Variants in ITPKC observed in about 807,000 individuals in gnomAD.
The protein encoded by ITPKC is IP3 3-kinase C.
A neutral mutation model predicts 67.1 loss-of-function variants in ITPKC; 33 were observed. The observed-to-expected ratio is 0.49, with a 90% confidence interval of 0.37 to 0.66. The LOEUF (loss-of-function observed/expected upper bound fraction) is 0.66. ITPKC is among the 30% of genes least tolerant of loss of function. The probability of loss-of-function intolerance (pLI) is 0.00; values close to 1 mark genes in which losing one functional copy is unlikely to be tolerated. For synonymous variants in ITPKC, 341 were observed against 359.8 expected, an observed-to-expected ratio of 0.95 and a Z score of 0.59; for missense variants, 820 against 892.1, an observed-to-expected ratio of 0.92 and a Z score of 1.03.
At position 40,717,846 on chromosome 19, in the gene ITPKC, T is replaced by A. The variant is rs2082198597; in HGVS notation, c.711T>A (p.Ile237=). 6 of 1,614,004 alleles carry A rather than the reference T, an allele frequency of 3.7e-6. No homozygotes were observed. Among genetic ancestry groups the A allele is most frequent in the Non-Finnish European group, 5.1e-6 (6 of 1,179,974 alleles). ...ATGGCTCCAGGACACAACAGGATAT[T>A]GAAGGTCCCTGGACAGAGCCATATA... ...YTDGSRTQQD[I]EGPWTEPYTD... is the part of the protein sequence containing the mutation. Residue 237 remains isoleucine, a synonymous_variant, in exon 1 of 7, where the codon ATT becomes ATA. Coordinates refer to ENST00000263370, the MANE Select transcript of ITPKC (RefSeq NM_025194.3).
chr19:40,717,315 C>G lies in ITPKC; in HGVS notation c.180C>G (p.Ala60=), dbSNP rs773094434. The G allele has an allele frequency of 6.3e-7, 1 of 1,575,148 alleles. No homozygotes were observed. Residue 60 remains alanine, a synonymous_variant, in exon 1 of 7, where the codon GCC becomes GCG. Transcript: ENST00000263370. ...GGCCGGAGGGGGGCGGGCCCTGGGC[C>G]CGGACAGAGGGGTCCAGCCTCCACA... The part of the protein sequence containing the change: ...AGRPEGGGPW[A]RTEGSSLHSE...
At chr19:40,728,350 A>G (rs2082255704) in intron 2 of ITPKC, among the ~76,000 whole-genome samples, 1 of 152,092 alleles carries the variant, frequency 6.6e-6, no homozygotes, top group Non-Finnish European at 1.5e-5. Context: ...ATACCACTCA[A>G]TTTCAGCCTG....
chr19:40,721,865 G>A (rs1303489672), intron 1 of ITPKC, among the ~76,000 whole-genome samples: 47 of 151,962 alleles, frequency 3.1e-4, no homozygotes, highest in Admixed American at 3.1e-3. Context: ...AGCTAGATGT[G>A]GTGGTATATG....
intron 1 of ITPKC, among the ~76,000 whole-genome samples, chr19:40,719,526 G>A (rs1400318519): frequency 6.6e-6 from 1 of 151,104 alleles, no homozygotes; most frequent in Non-Finnish European, 1.5e-5. Context: ...GTCTCGCTCT[G>A]TTGCCCAGGC....
chr19:40,733,131 T>C (rs2082279266), intron 3 of ITPKC, 29 bp from the exon 4 acceptor site: 2 of 1,603,268 alleles, frequency 1.2e-6, no homozygotes, highest in Non-Finnish European at 1.7e-6. Context: ...TCTACATAAT[T>C]TCCTTTGTCA....
chr19:40,725,941 T>TA (rs879347180), intron 2 of ITPKC, among the ~76,000 whole-genome samples: 2,514 of 142,898 alleles, frequency 0.018, 62 homozygotes, highest in African/African-American at 0.06. Flanking sequence ...CCGTTTCAAT[T>TA]AAAAAAAAAA....
rs557328757 is a variant in ITPKC, at chr19:40,740,370, TC to T, written c.*813del. ...GACCCCCAGGCTTCTCTCTCCTTTC[TC>T]CCAGCAAACTGCAGTGGCAGAAAGG... is the stretch of plus-strand genomic sequence containing the variant. On this transcript the variant is annotated 3_prime_UTR_variant, in exon 7 of 7. Transcript: ENST00000263370. 379 of 159,338 alleles carry T rather than the reference TC, an allele frequency of 2.4e-3. 2 individuals carry two copies. The highest frequency in any genetic ancestry group is 8.7e-3 in the African/African-American group (361 of 41,702). 9.9% of individuals were successfully genotyped at this position (159,338 alleles called of 1,614,324 possible).
At chr19:40,734,101 C>T (rs2082283791) in intron 4 of ITPKC, among the ~76,000 whole-genome samples, 1 of 151,854 alleles carries the variant, frequency 6.6e-6, no homozygotes, top group Non-Finnish European at 1.5e-5. Flanking sequence ...GTTGTAGATC[C>T]GAAATGTTCC....
At chr19:40,723,756 C>T (rs1371427891) in intron 1 of ITPKC, among the ~76,000 whole-genome samples, 15 of 152,084 alleles carry the variant, frequency 9.9e-5, no homozygotes, top group Admixed American at 7.2e-4. Flanking sequence ...CTCACCCTCC[C>T]GAAATGCTGG....
Position 40,736,956 on chromosome 19 carries a change from GACCCTGCCCCTCCAC to G in ITPKC, c.1675-20_1675-6del. ...TTGGGTGCGGGAAGGAAAAGCCCAT[GACCCTGCCCCTCCAC>G]ACCCTGCCCTACAGAAGGCAGATGG... is the stretch of plus-strand genomic sequence containing the variant. On this transcript the variant is annotated splice_polypyrimidine_tract_variant and intron_variant, in intron 4 of 6. Coordinates refer to ENST00000263370, the MANE Select transcript of ITPKC (RefSeq NM_025194.3). The G allele has an allele frequency of 6.9e-7, 1 of 1,456,526 alleles. No homozygotes were observed. Among genetic ancestry groups the G allele is most frequent in the Non-Finnish European group, 9.5e-7 (1 of 1,057,566 alleles). The allele number at this position is 1,456,526 out of a possible 1,614,324, so 90.2% of individuals were successfully genotyped here.
chr19:40,722,082 G>T (rs1262622844), intron 1 of ITPKC, among the ~76,000 whole-genome samples: 1 of 152,044 alleles, frequency 6.6e-6, no homozygotes, highest in Non-Finnish European at 1.5e-5. Flanking sequence ...TGGAGCGTCT[G>T]TCGTGTGCCA....
intron 1 of ITPKC, among the ~76,000 whole-genome samples, chr19:40,721,039 T>C (rs1303311346): frequency 2.0e-5 from 3 of 151,820 alleles, no homozygotes; most frequent in African/African-American, 7.3e-5. Flanking sequence ...CCTCCCAAAG[T>C]GCTGGGATTA....
At chr19:40,724,085 C>T (rs1019279417) in intron 1 of ITPKC, among the ~76,000 whole-genome samples, 6 of 152,106 alleles carry the variant, frequency 3.9e-5, no homozygotes, top group East Asian at 1.9e-4. Flanking sequence ...GGCTCCTACC[C>T]GAAAGTGACA....
At position 40,717,115 on chromosome 19, in the gene ITPKC, G is replaced by T; in HGVS notation, c.-21G>T. 4.1e-6 allele frequency: 5 copies of T among 1,218,894 alleles called. No homozygotes were observed. The highest frequency in any genetic ancestry group is 1.6e-5 in the African/African-American group (1 of 64,028). 75.5% of individuals were successfully genotyped at this position (1,218,894 alleles called of 1,614,324 possible). A position where few individuals can be genotyped will look rare whatever the true frequency, so the allele number is the denominator to read the frequency against. On this transcript the variant is annotated 5_prime_UTR_variant, in exon 1 of 7. Transcript: ENST00000263370. ...GATAGGAGGGGCCGGGTCGGCCGAAGCCCGAACCGAAGGAGCGGGCATGAG... is the reference window on the plus strand; with the variant it reads ...GATAGGAGGGGCCGGGTCGGCCGAATCCCGAACCGAAGGAGCGGGCATGAG...
chr19:40,732,327 G>A (rs142171259), intron 3 of ITPKC, among the ~76,000 whole-genome samples: 2,903 of 150,194 alleles, frequency 0.019, 36 homozygotes, highest in Non-Finnish European at 0.028. Flanking sequence ...TCAGGAGTTC[G>A]AGACCAGCCT....
chr19:40,725,685 C>G (rs1266392661), intron 2 of ITPKC, among the ~76,000 whole-genome samples: 1 of 152,232 alleles, frequency 6.6e-6, no homozygotes, highest in Non-Finnish European at 1.5e-5. Flanking sequence ...TAGTTCTGCT[C>G]TGTATTCATG....
At chr19:40,726,261 G>A (rs2082246116) in intron 2 of ITPKC, among the ~76,000 whole-genome samples, 1 of 151,664 alleles carries the variant, frequency 6.6e-6, no homozygotes, top group African/African-American at 2.4e-5. Flanking sequence ...AAAGACTGAG[G>A]CACAGGACTC....
chr19:40,727,372 C>G (rs1473610561), intron 2 of ITPKC, among the ~76,000 whole-genome samples: 2 of 151,152 alleles, frequency 1.3e-5, no homozygotes, highest in African/African-American at 4.9e-5. Flanking sequence ...AAAATAAATA[C>G]AAAACAAAAC....
chr19:40,728,695 G>T (rs892019383), intron 2 of ITPKC, among the ~76,000 whole-genome samples: 3 of 152,298 alleles, frequency 2.0e-5, no homozygotes, highest in East Asian at 3.9e-4. Flanking sequence ...ACAGAGAACA[G>T]AAATTCGCCC....
Sources: allele counts gnomAD v4.1 joint callset (sites outside exome capture counted in the v4.1 genomes callset), GRCh38; gene constraint gnomAD v4.1.1; transcripts MANE v1.5; gene names NCBI Gene and HGNC (gene_info 2026-07-23, HGNC 2026-07-21).